DCTN6: variants seen among roughly 807,000 people sequenced by gnomAD.
DCTN6 encodes dynactin 6.
Under a neutral mutation model 25.8 loss-of-function variants are expected in DCTN6, and 15 were observed. The observed-to-expected ratio is 0.58, with a 90% CI of 0.39 to 0.89. The LOEUF (loss-of-function observed/expected upper bound fraction) is 0.89. Ranked by LOEUF, DCTN6 falls within the 40% of genes least tolerant of loss-of-function variation. The pLI is 0.00. For missense variants in DCTN6, 198 were observed against 237.6 expected (o/e 0.83, Z 1.09); for synonymous variants, 64 against 78.3 (o/e 0.82, Z 0.96).
At chr8:30,171,163 G>A (rs989892966) in intron 2 of DCTN6, among the ~76,000 whole-genome samples, 4 of 152,104 alleles carry the variant, frequency 2.6e-5, no homozygotes, top group Non-Finnish European at 4.4e-5. Flanking sequence ...TTGATGACCG[G>A]CAGAATATCT....
intron 5 of DCTN6, among the ~76,000 whole-genome samples, chr8:30,179,885 A>C (rs771832222): frequency 6.6e-6 from 1 of 152,170 alleles, no homozygotes; most frequent in African/African-American, 2.4e-5. Context: ...ACCAGACAGG[A>C]GATTACCTAA....
Position 30,175,018 on chromosome 8 carries a change from CA to C in DCTN6, c.89-66del. ...CCCAACAGCCTCACCCATCCTCAGT[CA>C]CCTTCCACCCTTCTGTTGGAAGCAT... On this transcript the variant is annotated intron_variant, in intron 2 of 6. Transcript: ENST00000221114. 3 of 1,479,228 alleles carry C rather than the reference CA, an allele frequency of 2.0e-6. No individual in the cohort carries two copies. The South Asian group carries it at 3.5e-5, about 17-fold the overall frequency. The allele number at this position is 1,479,228 out of a possible 1,614,324, so 91.6% of individuals were successfully genotyped here.
chr8:30,161,279 C>T (rs1300102769), intron 1 of DCTN6, among the ~76,000 whole-genome samples: 1 of 152,148 alleles, frequency 6.6e-6, no homozygotes. Context: ...AACTGTGAGT[C>T]AATTAAACCT....
intron 6 of DCTN6, among the ~76,000 whole-genome samples, chr8:30,182,870 A>T (rs191140272): frequency 1.3e-5 from 2 of 152,052 alleles, no homozygotes; most frequent in Non-Finnish European, 2.9e-5. Context: ...GTGTGCCACC[A>T]CACACAGCTA....
intron 2 of DCTN6, among the ~76,000 whole-genome samples, chr8:30,172,374 G>A (rs929772737): frequency 1.3e-5 from 2 of 152,224 alleles, no homozygotes; most frequent in East Asian, 3.9e-4. Flanking sequence ...GTGTGTGCTT[G>A]AAATGCATAT....
intron 1 of DCTN6, among the ~76,000 whole-genome samples, chr8:30,157,048 G>A (rs1288976421): frequency 6.6e-6 from 1 of 152,182 alleles, no homozygotes; most frequent in African/African-American, 2.4e-5. Context: ...CACCCAAATA[G>A]TGAACATTGT....
Position 30,177,215 on chromosome 8 carries a change from G to T in DCTN6, c.283+1G>T. 1 of 1,611,616 alleles carries T rather than the reference G, an allele frequency of 6.2e-7. No individual in the cohort carries two copies. Reference sequence around the variant, plus strand: ...AATAATGTGTTTGAAGTTGGCTGTTGTATCCTTTACAATAATCTACCATAA... The same window carrying T: ...AATAATGTGTTTGAAGTTGGCTGTTTTATCCTTTACAATAATCTACCATAA... On this transcript the variant is annotated splice_donor_variant, in intron 4 of 6. Coordinates refer to ENST00000221114, the MANE Select transcript of DCTN6 (RefSeq NM_006571.4). LOFTEE classifies it high-confidence loss of function.
intron 1 of DCTN6, among the ~76,000 whole-genome samples, chr8:30,157,808 T>A (rs947656347): frequency 2.6e-4 from 39 of 152,342 alleles, no homozygotes; most frequent in African/African-American, 9.4e-4. Flanking sequence ...AAACTGACAT[T>A]GTTTCTGGTG....
In DCTN6 at chr8:30,177,194, A is replaced by T. The variant is rs201393344; in HGVS notation, c.263A>T (p.Asn88Ile). 6.2e-7 allele frequency: 1 copy of T among 1,613,592 alleles called. No homozygotes were observed. Among genetic ancestry groups the T allele is most frequent in the Non-Finnish European group, 8.5e-7 (1 of 1,179,778 alleles). Residue 88 changes from asparagine (N) to isoleucine (I), a missense_variant, in exon 4 of 7, where the codon AAT becomes ATT. Transcript: ENST00000221114. ...AAACCTATGATCATTGGCACCAATA[A>T]TGTGTTTGAAGTTGGCTGTTGTATC... ...EPKPMIIGTN[N>I]VFEVGCYSQA...
intron 1 of DCTN6, among the ~76,000 whole-genome samples, chr8:30,156,996 G>C (rs1803535699): frequency 6.6e-6 from 1 of 152,176 alleles, no homozygotes; most frequent in Non-Finnish European, 1.5e-5. Flanking sequence ...TTGTTGCATA[G>C]ATAAATTGCG....
At chr8:30,177,078 C>A in intron 3 of DCTN6, 48 bp from the exon 4 acceptor site, 1 of 1,480,892 alleles carries the variant, frequency 6.8e-7, no homozygotes, top group Non-Finnish European at 9.3e-7. Context: ...AAGAAAATTG[C>A]TTATTGTGTT....
chr8:30,156,616 A>G (rs150067726), intron 1 of DCTN6, among the ~76,000 whole-genome samples: 1,597 of 151,712 alleles, frequency 0.011, 33 homozygotes, highest in African/African-American at 0.037. Context: ...GCTGCCTGGA[A>G]GGTTTTTGTT....
In DCTN6 at chr8:30,167,596, C is replaced by A. The variant is rs541196067; in HGVS notation, c.88+3421C>A. ...TTGGCCTACTAAAGTGCTGGGATTA[C>A]AGGTGTGAGTCATTGCTCTTGGCCC... On this transcript the variant is annotated intron_variant, in intron 2 of 6. Transcript: ENST00000221114. Among the ~76,000 whole-genome samples the A allele has an allele frequency of 3.3e-4, 50 of 152,272 alleles. 1 individual carries two copies. In the East Asian group the frequency reaches 7.1e-3, roughly 22 times the overall value.
chr8:30,173,367 A>G (rs1004218112), intron 2 of DCTN6, among the ~76,000 whole-genome samples: 1 of 152,216 alleles, frequency 6.6e-6, no homozygotes, highest in African/African-American at 2.4e-5. Context: ...CAAAAATAAC[A>G]TGTATTTATT....
At chr8:30,175,693 T>TA (rs3840694) in intron 3 of DCTN6, among the ~76,000 whole-genome samples, 21,212 of 152,088 alleles carry the variant, frequency 0.14, 2,009 homozygotes, top group East Asian at 0.49. Flanking sequence ...CTGTAAAGAT[T>TA]AAAAATAATA....
At chr8:30,164,287 A>G (rs1390147338) in intron 2 of DCTN6, 112 bp downstream of exon 2, 4 of 832,024 alleles carry the variant, frequency 4.8e-6, no homozygotes, top group African/African-American at 1.7e-5. Context: ...TCCTAGTTTT[A>G]TTGACAAAAT....
chr8:30,171,504 C>CAG (rs1803764233), intron 2 of DCTN6, among the ~76,000 whole-genome samples: 1 of 152,158 alleles, frequency 6.6e-6, no homozygotes, highest in Admixed American at 6.5e-5. Flanking sequence ...GTAGTCCTCC[C>CAG]ACCTCAGTCT....
intron 2 of DCTN6, among the ~76,000 whole-genome samples, chr8:30,167,792 G>A (rs1803703540): frequency 6.6e-6 from 1 of 152,004 alleles, no homozygotes; most frequent in Non-Finnish European, 1.5e-5. Flanking sequence ...TTCACCTCCT[G>A]GGTTCAAGCG....
chr8:30,166,939 A>AAG (rs931837432), intron 2 of DCTN6, among the ~76,000 whole-genome samples: 2 of 151,584 alleles, frequency 1.3e-5, no homozygotes, highest in African/African-American at 4.9e-5. Flanking sequence ...GAAAGACAAA[A>AAG]AGAGAGAGAG....
Sources: gnomAD v4.1 joint callset for allele counts (sites outside exome capture counted in the v4.1 genomes callset) on GRCh38, gnomAD v4.1.1 for gene constraint, MANE v1.5 for transcripts, NCBI Gene and HGNC (gene_info 2026-07-23, HGNC 2026-07-21) for gene names.